Variants in BNC2 observed in about 807,000 individuals in gnomAD.
BNC2 encodes the protein zinc finger protein basonuclin-2.
Under a neutral mutation model 76.3 loss-of-function variants are expected in BNC2, and 20 were observed. That is an observed-to-expected ratio of 0.26 (90% CI 0.18 to 0.38). The LOEUF (loss-of-function observed/expected upper bound fraction) is 0.38, where lower values mean the gene tolerates loss of function less well. Ranked by LOEUF, BNC2 falls within the 10% of genes least tolerant of loss-of-function variation. BNC2 has a pLI of 1.00. For synonymous variants in BNC2, 582 were observed against 514.8 expected, an observed-to-expected ratio of 1.13 and a Z score of -1.77; for missense variants, 1,382 against 1,399.8, an observed-to-expected ratio of 0.99 and a Z score of 0.20.
At position 16,435,955 on chromosome 9, in the gene BNC2, C is replaced by T. The variant is rs535983413; in HGVS notation, c.2239G>A (p.Glu747Lys). ...SMEGDEHIHS[E>K]VSEKVLMNSE... ...TTCATCAGGACTTTTTCACTCACTT[C>T]GCTGTGAATGTGCTCATCCCCTTCC... The change falls in exon 6 of 7, where the codon GAA (glutamate) becomes AAA (lysine). Residue 747 changes from glutamate to lysine, a missense_variant. Glu to Lys is a moderately conservative substitution (Grantham distance 56, BLOSUM62 1). This residue lies in a region of BNC2 where 798 missense variants were observed against 775.5 expected (regional missense o/e 1.03). Coordinates refer to ENST00000380672, the MANE Select transcript of BNC2 (RefSeq NM_017637.6). 5.0e-5 allele frequency: 80 copies of T among 1,614,162 alleles called. 1 individual carries two copies. The East Asian group carries it at 6.9e-4, about 14-fold the overall frequency.
intron 5 of BNC2, among the ~76,000 whole-genome samples, chr9:16,541,107 A>G (rs1587148067): frequency 6.6e-6 from 1 of 152,178 alleles, no homozygotes; most frequent in Non-Finnish European, 1.5e-5. Flanking sequence ...GCAGGATCCA[A>G]ATGTCTTGTA....
intron 1 of BNC2, among the ~76,000 whole-genome samples, chr9:16,857,703 CTAAA>C (rs1279514577): frequency 6.6e-6 from 1 of 152,040 alleles, no homozygotes; most frequent in African/African-American, 2.4e-5. Flanking sequence ...TTGATGCTGA[CTAAA>C]TAATGAAACT....
At chr9:16,505,357 C>T (rs904187401) in intron 5 of BNC2, among the ~76,000 whole-genome samples, 1 of 152,172 alleles carries the variant, frequency 6.6e-6, no homozygotes, top group African/African-American at 2.4e-5. Context: ...AAACAAAGAA[C>T]ATTCCAGTAT....
At chr9:16,634,105 A>C (rs1031420260) in intron 3 of BNC2, among the ~76,000 whole-genome samples, 2 of 152,058 alleles carry the variant, frequency 1.3e-5, no homozygotes, top group Admixed American at 1.3e-4. Flanking sequence ...ACAAGACTCT[A>C]CTCATCCCGT....
chr9:16,800,446 T>C (rs2135744823), intron 1 of BNC2, among the ~76,000 whole-genome samples: 1 of 152,234 alleles, frequency 6.6e-6, no homozygotes, highest in South Asian at 2.1e-4. Flanking sequence ...AAATCCTGTC[T>C]AATAAAGTTG....
At chr9:16,505,138 A>T (rs996345519) in intron 5 of BNC2, among the ~76,000 whole-genome samples, 1 of 152,172 alleles carries the variant, frequency 6.6e-6, no homozygotes, top group Non-Finnish European at 1.5e-5. Context: ...AAATGAGATA[A>T]AATGTATAAA....
At chr9:16,649,411 T>C (rs1165892517) in intron 3 of BNC2, among the ~76,000 whole-genome samples, 1 of 152,228 alleles carries the variant, frequency 6.6e-6, no homozygotes, top group Non-Finnish European at 1.5e-5. Context: ...TCAAGTCCAC[T>C]GGCGACAGAT....
At chr9:16,591,389 C>T (rs932846738) in intron 3 of BNC2, among the ~76,000 whole-genome samples, 15 of 152,082 alleles carry the variant, frequency 9.9e-5, no homozygotes, top group African/African-American at 2.7e-4. Flanking sequence ...AGAGGTGAGT[C>T]AGAAAGATAC....
At position 16,435,595 on chromosome 9, in the gene BNC2, C is replaced by T. The variant is rs750274081; in HGVS notation, c.2599G>A (p.Gly867Ser). The change falls in exon 6 of 7, where the codon GGT (glycine) becomes AGT (serine). Residue 867 changes from glycine (G) to serine (S), a missense_variant. Coordinates refer to ENST00000380672, the MANE Select transcript of BNC2 (RefSeq NM_017637.6). ...CGAGAGGGGAATGCAGCATTGCAAC[C>T]AGCCACTGTGCAGACGTGCATCTCT... ...LKEMHVCTVA[G>S]CNAAFPSRRS... The T allele has an allele frequency of 2.7e-5, 43 of 1,614,004 alleles. No individual in the cohort carries two copies. Among genetic ancestry groups the T allele is most frequent in the Non-Finnish European group, 3.6e-5 (42 of 1,180,038 alleles).
chr9:16,869,559 T>G (rs1328312522), intron 1 of BNC2, among the ~76,000 whole-genome samples: 1 of 152,128 alleles, frequency 6.6e-6, no homozygotes, highest in African/African-American at 2.4e-5. Flanking sequence ...TCACCTGTAT[T>G]CTCATATGTT....
chr9:16,722,589 C>T (rs1327477618), intron 3 of BNC2, among the ~76,000 whole-genome samples: 1 of 152,156 alleles, frequency 6.6e-6, no homozygotes, highest in Admixed American at 6.5e-5. Flanking sequence ...ACATAATAGA[C>T]CTGTTTGCAG....
At chr9:16,731,562 G>C (rs1480114484) in intron 2 of BNC2, among the ~76,000 whole-genome samples, 3 of 152,204 alleles carry the variant, frequency 2.0e-5, no homozygotes, top group Admixed American at 1.3e-4. Context: ...GGCTCTGAAA[G>C]TGACTTCTGA....
intron 1 of BNC2, among the ~76,000 whole-genome samples, chr9:16,848,148 C>G (rs1177633979): frequency 6.6e-6 from 1 of 152,124 alleles, no homozygotes; most frequent in Non-Finnish European, 1.5e-5. Flanking sequence ...ACATAAATTT[C>G]TTTTGCTGAG....
chr9:16,506,494 TTCTC>T (rs1228677567), intron 5 of BNC2, among the ~76,000 whole-genome samples: 2 of 142,056 alleles, frequency 1.4e-5, no homozygotes, highest in Non-Finnish European at 3.1e-5. Context: ...TAAAGTACAC[TTCTC>T]TCTCTCTCTC....
intron 5 of BNC2, among the ~76,000 whole-genome samples, chr9:16,508,229 T>C (rs10962467): frequency 0.31 from 46,615 of 152,126 alleles, 8,759 homozygotes; most frequent in Non-Finnish European, 0.42. Flanking sequence ...TTACTTATTC[T>C]GCTCCATAGG....
chr9:16,713,275 C>T (rs1213683655), intron 3 of BNC2, among the ~76,000 whole-genome samples: 3 of 152,080 alleles, frequency 2.0e-5, no homozygotes, highest in Admixed American at 2.0e-4. Context: ...ATAGACCTTT[C>T]AACAAATTGT....
chr9:16,617,503 T>C, intron 3 of BNC2, among the ~76,000 whole-genome samples: 2 of 142,352 alleles, frequency 1.4e-5, no homozygotes, highest in African/African-American at 2.6e-5. Context: ...AGCCAGCTCC[T>C]CCAAATTTTA....
rs1242675374 is a variant in BNC2 at position 16,814,930 on chromosome 9, G to A, written c.3+55716C>T. 5.9e-5 allele frequency among the ~76,000 whole-genome samples: 9 copies of A among 152,070 alleles called. 1 individual carries two copies. In the East Asian group the frequency reaches 1.4e-3, roughly 23 times the overall value. The stretch of plus-strand genomic sequence containing the variant: ...ATTCACTTTACCTTATGATCTCCAA[G>A]GAAACAAACACTTCAGATGATTATC... On this transcript the variant is annotated intron_variant, in intron 1 of 6. Transcript: ENST00000380672.
At chr9:16,818,086 CA>C (rs1439764306) in intron 1 of BNC2, among the ~76,000 whole-genome samples, 1 of 151,938 alleles carries the variant, frequency 6.6e-6, no homozygotes, top group Non-Finnish European at 1.5e-5. Context: ...GGCAAGCCTG[CA>C]ACTGCAACTA....
Sources: allele counts gnomAD v4.1 joint callset (sites outside exome capture counted in the v4.1 genomes callset), GRCh38; gene constraint gnomAD v4.1.1; regional missense constraint gnomAD v4.1.1; transcripts MANE v1.5; gene names NCBI Gene and HGNC (gene_info 2026-07-23, HGNC 2026-07-21).